NCK2: variants seen among roughly 807,000 people sequenced by gnomAD.
NCK2 encodes the protein cytoplasmic protein NCK2.
Under a neutral mutation model 33.9 loss-of-function variants are expected in NCK2, and 16 were observed. That is an observed-to-expected ratio of 0.47 (90% confidence interval 0.32 to 0.72). The LOEUF is 0.72. Among genes scored for constraint, NCK2 ranks in the 30% least tolerant of loss-of-function variants. NCK2 has a pLI of 0.03. For synonymous variants in NCK2, 273 were observed against 239.9 expected, an observed-to-expected ratio of 1.14 and a Z score of -1.27; for missense variants, 418 against 537.3, an observed-to-expected ratio of 0.78 and a Z score of 2.19.
chr2:105,852,726 G>A (rs1677113899), intron 2 of NCK2, among the ~76,000 whole-genome samples: 1 of 152,102 alleles, frequency 6.6e-6, no homozygotes, highest in African/African-American at 2.4e-5. Flanking sequence ...TACTGCTATT[G>A]CTCTTCTTCT....
chr2:105,848,001 C>A (rs1676918359), intron 2 of NCK2, among the ~76,000 whole-genome samples: 2 of 152,142 alleles, frequency 1.3e-5, no homozygotes, highest in South Asian at 4.1e-4. Context: ...GTTGGCACAT[C>A]TTTCTGTTTA....
At chr2:105,776,771 G>A (rs1482392499) in intron 1 of NCK2, among the ~76,000 whole-genome samples, 1 of 151,996 alleles carries the variant, frequency 6.6e-6, no homozygotes, top group Non-Finnish European at 1.5e-5. Flanking sequence ...TTTAGCAGTC[G>A]GACCACACGT....
At chr2:105,807,251 G>A (rs113711451) in intron 1 of NCK2, among the ~76,000 whole-genome samples, 1 of 152,148 alleles carries the variant, frequency 6.6e-6, no homozygotes, top group African/African-American at 2.4e-5. Flanking sequence ...GGCCGCCCTC[G>A]CAGACATCAT....
At chr2:105,769,695 C>T (rs1036469058) in intron 1 of NCK2, among the ~76,000 whole-genome samples, 3 of 152,174 alleles carry the variant, frequency 2.0e-5, no homozygotes, top group Non-Finnish European at 2.9e-5. Flanking sequence ...ACGCAGCTTC[C>T]GCCCTGAGGA....
intron 1 of NCK2, among the ~76,000 whole-genome samples, chr2:105,748,341 CTTTGTGTCCCTGA>C (rs1414890277): frequency 1.3e-5 from 2 of 152,154 alleles, no homozygotes; most frequent in African/African-American, 4.8e-5. Flanking sequence ...ACAGCACTTT[CTTTGTGTCCCTGA>C]TTTGTCATCT....
chr2:105,890,663 AC>A (rs1678933207), intron 4 of NCK2, among the ~76,000 whole-genome samples: 1 of 152,114 alleles, frequency 6.6e-6, no homozygotes, highest in Admixed American at 6.5e-5. Flanking sequence ...AACTATACTT[AC>A]AATTGTTCCT....
chr2:105,869,335 C>T (rs1166796527), intron 3 of NCK2, among the ~76,000 whole-genome samples: 1 of 152,210 alleles, frequency 6.6e-6, no homozygotes, highest in Non-Finnish European at 1.5e-5. Flanking sequence ...TGGGCTCCTG[C>T]TGCGTGTCAA....
intron 2 of NCK2, among the ~76,000 whole-genome samples, chr2:105,830,749 T>A (rs115284204): frequency 0.017 from 2,595 of 150,360 alleles, 39 homozygotes; most frequent in Non-Finnish European, 0.022. Flanking sequence ...ATTGAGATGA[T>A]ACCTTATTGT....
chr2:105,887,240 G>A (rs1482715633), intron 4 of NCK2, among the ~76,000 whole-genome samples: 3 of 152,196 alleles, frequency 2.0e-5, no homozygotes, highest in Non-Finnish European at 2.9e-5. Context: ...AGTGGATCAC[G>A]ATTTGCCTCT....
intron 2 of NCK2, among the ~76,000 whole-genome samples, chr2:105,831,878 C>A (rs376701003): frequency 4.6e-4 from 70 of 152,172 alleles, no homozygotes; most frequent in African/African-American, 1.6e-3. Flanking sequence ...TATTTGAGGT[C>A]TTTTGTGGTT....
At chr2:105,892,929 G>T in intron 4 of NCK2, 53 bp from the exon 5 acceptor site, 1 of 1,496,664 alleles carries the variant, frequency 6.7e-7, no homozygotes, top group South Asian at 1.2e-5. Flanking sequence ...GATGGATTTA[G>T]ACACAGCTCC....
intron 3 of NCK2, among the ~76,000 whole-genome samples, chr2:105,860,481 G>A (rs554856160): frequency 5.6e-4 from 85 of 152,274 alleles, no homozygotes; most frequent in African/African-American, 1.9e-3. Flanking sequence ...AGCCGTAGGC[G>A]TCTCAGAATG....
intron 1 of NCK2, among the ~76,000 whole-genome samples, chr2:105,759,996 G>A (rs1689717059): frequency 6.6e-6 from 1 of 152,194 alleles, no homozygotes; most frequent in African/African-American, 2.4e-5. Context: ...CCTGGCCCAG[G>A]TAGTGTTTGT....
At chr2:105,857,355 A>ATGGCCATCCAGCC (rs1677320847) in intron 3 of NCK2, among the ~76,000 whole-genome samples, 1 of 152,262 alleles carries the variant, frequency 6.6e-6, no homozygotes, top group African/African-American at 2.4e-5. Context: ...TCCCCGACAG[A>ATGGCCATCCAGCC]TGGCCATCCA....
chr2:105,843,700 C>G (rs931155497), intron 2 of NCK2, among the ~76,000 whole-genome samples: 1 of 152,054 alleles, frequency 6.6e-6, no homozygotes, highest in African/African-American at 2.4e-5. Flanking sequence ...GGATGGTAGC[C>G]CAGAGTATAA....
chr2:105,789,702 G>A (rs746038704), intron 1 of NCK2, among the ~76,000 whole-genome samples: 5 of 152,118 alleles, frequency 3.3e-5, no homozygotes, highest in South Asian at 2.1e-4. Context: ...CTTGCTCCCC[G>A]GCTTGTGATT....
intron 1 of NCK2, among the ~76,000 whole-genome samples, chr2:105,765,714 A>G (rs1689913191): frequency 6.6e-6 from 1 of 151,720 alleles, no homozygotes; most frequent in Admixed American, 6.6e-5. Flanking sequence ...TTTCAGAAAC[A>G]GTTGCAAATA....
chr2:105,869,516 G>A (rs779903120), intron 3 of NCK2, among the ~76,000 whole-genome samples: 3 of 152,246 alleles, frequency 2.0e-5, no homozygotes, highest in Non-Finnish European at 4.4e-5. Context: ...GTTCTGAGAA[G>A]CTGGCACAAG....
chr2:105,801,469 G>T (rs925339638), intron 1 of NCK2, among the ~76,000 whole-genome samples: 3 of 150,658 alleles, frequency 2.0e-5, no homozygotes. Context: ...AGTGCACAAC[G>T]TTAACAGATA....
Sources: gnomAD v4.1 joint callset for allele counts (sites outside exome capture counted in the v4.1 genomes callset) on GRCh38, gnomAD v4.1.1 for gene constraint, MANE v1.5 for transcripts, NCBI Gene and HGNC (gene_info 2026-07-23, HGNC 2026-07-21) for gene names.